The following VTI1A variants were observed in gnomAD, a reference collection of about 807,000 sequenced individuals.
The protein encoded by VTI1A is vesicle transport through interaction with t-SNAREs 1A.
VTI1A carries 22 observed loss-of-function variants against 34.9 expected under a neutral mutation model. The observed-to-expected ratio is 0.63, with a 90% CI of 0.45 to 0.90. The LOEUF is 0.90. Among genes scored for constraint, VTI1A ranks in the 40% least tolerant of loss-of-function variants. The probability of loss-of-function intolerance (pLI) is 0.00; values close to 1 mark genes in which losing one functional copy is unlikely to be tolerated. For missense variants in VTI1A, 268 were observed against 275.6 expected, an observed-to-expected ratio of 0.97 and a Z score of 0.20; for synonymous variants, 87 against 97.3, an observed-to-expected ratio of 0.89 and a Z score of 0.62.
chr10:112,720,035 A>G (rs1192192676), intron 7 of VTI1A, among the ~76,000 whole-genome samples: 1 of 152,238 alleles, frequency 6.6e-6, no homozygotes, highest in Non-Finnish European at 1.5e-5. Flanking sequence ...TTCACTTAGC[A>G]TAATGTTTCA....
At chr10:112,711,228 C>G (rs1352138073) in intron 7 of VTI1A, among the ~76,000 whole-genome samples, 1 of 152,148 alleles carries the variant, frequency 6.6e-6, no homozygotes, top group African/African-American at 2.4e-5. Context: ...TTGGCGAAAT[C>G]CCAAATCATC....
At chr10:112,693,345 G>A (rs1848669491) in intron 7 of VTI1A, among the ~76,000 whole-genome samples, 1 of 152,142 alleles carries the variant, frequency 6.6e-6, no homozygotes, top group Admixed American at 6.5e-5. Context: ...TCAGTAGTTC[G>A]AGACCAGCCT....
At chr10:112,849,752 T>C in the VTI1A span, among the ~76,000 whole-genome samples, 1 of 152,248 alleles carries the variant, frequency 6.6e-6, no homozygotes. Flanking sequence ...ACTTTTCCCA[T>C]CTGCTGCTCC....
chr10:112,601,605 G>A (rs1344639184), intron 5 of VTI1A, among the ~76,000 whole-genome samples: 1 of 151,922 alleles, frequency 6.6e-6, no homozygotes, highest in Non-Finnish European at 1.5e-5. Flanking sequence ...GGTTTGTCCT[G>A]TTTGCTTTCA....
At chr10:112,700,391 T>C (rs1190806319) in intron 7 of VTI1A, among the ~76,000 whole-genome samples, 1 of 152,168 alleles carries the variant, frequency 6.6e-6, no homozygotes, top group African/African-American at 2.4e-5. Context: ...GCAAAGATAC[T>C]TACAAATGAA....
chr10:112,839,719 C>T, the VTI1A span, among the ~76,000 whole-genome samples: 3 of 152,300 alleles, frequency 2.0e-5, no homozygotes, highest in Non-Finnish European at 4.4e-5. Flanking sequence ...CCTACCTCCA[C>T]TCCAGTCCCC....
intron 5 of VTI1A, among the ~76,000 whole-genome samples, chr10:112,539,842 A>G (rs1850795029): frequency 6.6e-6 from 1 of 152,228 alleles, no homozygotes; most frequent in African/African-American, 2.4e-5. Flanking sequence ...TTGTGTGGTC[A>G]TTGACGATCT....
intron 3 of VTI1A, among the ~76,000 whole-genome samples, chr10:112,512,132 A>G (rs1047993455): frequency 6.6e-6 from 1 of 152,068 alleles, no homozygotes; most frequent in Admixed American, 6.6e-5. Context: ...TTGTTGAGAA[A>G]TCTCCATACT....
intron 3 of VTI1A, among the ~76,000 whole-genome samples, chr10:112,513,444 T>C (rs1849679447): frequency 6.6e-6 from 1 of 152,074 alleles, no homozygotes; most frequent in African/African-American, 2.4e-5. Flanking sequence ...TGGTGGCATC[T>C]TTAGGGTTTT....
At chr10:112,714,771 C>T (rs1045032746) in intron 7 of VTI1A, among the ~76,000 whole-genome samples, 11 of 152,288 alleles carry the variant, frequency 7.2e-5, no homozygotes, top group African/African-American at 1.4e-4. Flanking sequence ...GTCTGGAAAA[C>T]GCTATTCGAT....
chr10:112,485,592 G>A (rs966059628), intron 3 of VTI1A, among the ~76,000 whole-genome samples: 47 of 152,206 alleles, frequency 3.1e-4, no homozygotes, highest in African/African-American at 9.2e-4. Context: ...TTGGAAGGAT[G>A]TTAAAATATA....
intron 5 of VTI1A, among the ~76,000 whole-genome samples, chr10:112,573,371 T>C (rs1360178282): frequency 6.6e-6 from 1 of 152,182 alleles, no homozygotes; most frequent in East Asian, 1.9e-4. Flanking sequence ...ACTTAAATGT[T>C]CTGCAACTCT....
chr10:112,670,369 A>G (rs566315221), intron 7 of VTI1A, among the ~76,000 whole-genome samples: 5 of 152,178 alleles, frequency 3.3e-5, no homozygotes, highest in Non-Finnish European at 5.9e-5. Flanking sequence ...ATAATATCAT[A>G]TTAATGTTAA....
chr10:112,674,667 T>TA (rs1422559644), intron 7 of VTI1A, among the ~76,000 whole-genome samples: 9 of 152,228 alleles, frequency 5.9e-5, no homozygotes, highest in Non-Finnish European at 1.3e-4. Flanking sequence ...TTGTACATCT[T>TA]ATCTGATTTT....
the VTI1A span, among the ~76,000 whole-genome samples, chr10:112,838,282 T>C: frequency 6.6e-6 from 1 of 152,150 alleles, no homozygotes; most frequent in Admixed American, 6.5e-5. Flanking sequence ...CGGGTCCTCC[T>C]GGGGTCAGAG....
intron 5 of VTI1A, among the ~76,000 whole-genome samples, chr10:112,650,563 G>C (rs1333894076): frequency 1.3e-5 from 2 of 152,210 alleles, no homozygotes; most frequent in East Asian, 1.9e-4. Context: ...TTGTTATCCA[G>C]CATTATGTAC....
chr10:112,605,432 A>G (rs1010187252), intron 5 of VTI1A, among the ~76,000 whole-genome samples: 1 of 152,214 alleles, frequency 6.6e-6, no homozygotes, highest in Admixed American at 6.5e-5. Flanking sequence ...ATAAAAGGAC[A>G]GGCTCATAGC....
chr10:112,578,805 G>T (rs951961658), intron 5 of VTI1A, among the ~76,000 whole-genome samples: 2 of 152,128 alleles, frequency 1.3e-5, no homozygotes, highest in South Asian at 2.1e-4. Flanking sequence ...TTGCATGATT[G>T]TAAGATGTGT....
chr10:112,465,378 A>G (rs1193340012), intron 3 of VTI1A, among the ~76,000 whole-genome samples: 1 of 152,246 alleles, frequency 6.6e-6, no homozygotes, highest in Non-Finnish European at 1.5e-5. Context: ...AAACAAATTG[A>G]AAGCAGAGTC....
Sources: allele counts gnomAD v4.1 joint callset (sites outside exome capture counted in the v4.1 genomes callset), GRCh38; gene constraint gnomAD v4.1.1; transcripts MANE v1.5; gene names NCBI Gene and HGNC (gene_info 2026-07-23, HGNC 2026-07-21).